METTL3: variants seen among roughly 807,000 people sequenced by gnomAD.
METTL3 encodes methyltransferase 3, N6-adenosine-methyltransferase complex catalytic subunit.
In METTL3, 42 loss-of-function variants were observed where a neutral mutation model predicts 64.3. The ratio of observed to expected loss-of-function variants is 0.65; its 90% CI spans 0.51 to 0.84. METTL3 has a LOEUF of 0.84. Among genes scored for constraint, METTL3 ranks in the 40% least tolerant of loss-of-function variants. The probability of loss-of-function intolerance (pLI) is 0.00; values close to 1 mark genes in which losing one functional copy is unlikely to be tolerated. For missense variants in METTL3, 435 were observed against 722.3 expected, an observed-to-expected ratio of 0.60 and a Z score of 4.56; for synonymous variants, 256 against 263.6, an observed-to-expected ratio of 0.97 and a Z score of 0.28.
In METTL3 at chr14:21,501,809, T is replaced by C. The variant is rs1891574099; in HGVS notation, c.818A>G (p.Gln273Arg). Residue 273 changes from glutamine to arginine, a missense_variant, in exon 4 of 11, where the codon CAA becomes CGA. Physicochemically the swap from Gln to Arg is conservative, Grantham distance 43. Transcript: ENST00000298717. ...KFRSRGRAQV[Q>R]EFCDYGTKEE... is the part of the protein sequence containing the mutation. The stretch of plus-strand genomic sequence containing the variant: ...CTTGGTTCCATAGTCACAGAATTCT[T>C]GCACTTGGGCCCGACCTCGAGAGCG... The C allele has an allele frequency of 6.2e-7, 1 of 1,614,158 alleles. No individual in the cohort carries two copies. Among genetic ancestry groups the C allele is most frequent in the Non-Finnish European group, 8.5e-7 (1 of 1,180,028 alleles).
intron 1 of METTL3, chr14:21,509,368 T>C (rs767637893): frequency 6.6e-6 from 1 of 151,946 alleles, no homozygotes; most frequent in Non-Finnish European, 1.5e-5. Context: ...ATTTTGCAGA[T>C]CACTTTGTTG....
At chr14:21,509,076 A>G (rs1891767700) in intron 1 of METTL3, among the ~76,000 whole-genome samples, 1 of 151,624 alleles carries the variant, frequency 6.6e-6, no homozygotes, top group African/African-American at 2.4e-5. Context: ...ATGGTGGCTC[A>G]CGCCTGTAAT....
At position 21,501,610 on chromosome 14, in the gene METTL3, T is replaced by TA. The variant is rs1291188194; in HGVS notation, c.899+117dup. 11 of 1,337,090 alleles carry TA rather than the reference T, an allele frequency of 8.2e-6. No homozygotes were observed. In the East Asian group the frequency reaches 2.2e-4, roughly 27 times the overall value. The allele number at this position is 1,337,090 out of a possible 1,614,324, so 82.8% of individuals were successfully genotyped here. On this transcript the variant is annotated intron_variant, in intron 4 of 10. Coordinates refer to ENST00000298717, the MANE Select transcript of METTL3 (RefSeq NM_019852.5). ...GTACACCTTCAGGGTCTGGAGGACT[T>TA]ACACAAACCATAAACTAAATAAGAT...
At chr14:21,504,556 A>G (rs1891650588) in intron 1 of METTL3, 1 of 152,316 alleles carries the variant, frequency 6.6e-6, no homozygotes, top group African/African-American at 2.4e-5. Context: ...TAGATGAAAT[A>G]TTAAACTCCT....
chr14:21,507,248 G>A (rs769247727), intron 1 of METTL3, among the ~76,000 whole-genome samples: 71 of 152,138 alleles, frequency 4.7e-4, no homozygotes, highest in Admixed American at 1.2e-3. Context: ...CCAATATTTT[G>A]CCCATATTAT....
intron 6 of METTL3, 146 bp from the exon 7 acceptor site, chr14:21,499,948 C>T (rs1230274617): frequency 1.4e-6 from 1 of 735,716 alleles, no homozygotes; most frequent in Non-Finnish European, 2.3e-6. Context: ...CATGGTGGAT[C>T]TAAGAACGAA....
intron 1 of METTL3, among the ~76,000 whole-genome samples, chr14:21,506,031 A>G (rs1278334129): frequency 1.3e-5 from 2 of 152,144 alleles, no homozygotes; most frequent in Non-Finnish European, 2.9e-5. Context: ...CTGGCCAAAT[A>G]TAGTTTGTTT....
At chr14:21,498,749 G>A (rs1329980277) in intron 10 of METTL3, 2 of 476,902 alleles carry the variant, frequency 4.2e-6, no homozygotes, top group Non-Finnish European at 7.5e-6. Context: ...CCAGGGGGCA[G>A]ATTCAATACA....
intron 1 of METTL3, among the ~76,000 whole-genome samples, chr14:21,506,441 C>T (rs1297904822): frequency 6.6e-6 from 1 of 152,082 alleles, no homozygotes; most frequent in Non-Finnish European, 1.5e-5. Flanking sequence ...GTAGTCCCAG[C>T]TACTCAGGAG....
At chr14:21,499,163 TTAAG>T in intron 9 of METTL3, 26 bp from the exon 10 acceptor site, 2 of 1,599,878 alleles carry the variant, frequency 1.3e-6, no homozygotes, top group Non-Finnish European at 1.7e-6. Flanking sequence ...TAGCTGCTTT[TTAAG>T]TTACACAAGA....
At chr14:21,498,732 G>A (rs1415639129) in intron 10 of METTL3, 2 of 458,004 alleles carry the variant, frequency 4.4e-6, no homozygotes, top group African/African-American at 2.0e-5. Context: ...AGATAACTTC[G>A]TAACCACCAG....
chr14:21,507,374 G>A (rs903898935), intron 1 of METTL3, among the ~76,000 whole-genome samples: 3 of 151,986 alleles, frequency 2.0e-5, no homozygotes, highest in Non-Finnish European at 2.9e-5. Context: ...AAAAAACAAG[G>A]TGTGGCCGGG....
At position 21,500,899 on chromosome 14, in the gene METTL3, G is replaced by A. The variant is rs778011067; in HGVS notation, c.1116+14C>T. On this transcript the variant is annotated intron_variant, in intron 5 of 10. Transcript: ENST00000298717. ...GTCCGTAAGTTGAGACGAGTTTTCT[G>A]AGCAGACAGGTACCTGAGGTGGGAA... The A allele has an allele frequency of 6.2e-7, 1 of 1,609,152 alleles. No individual in the cohort carries two copies. Among genetic ancestry groups the A allele is most frequent in the Non-Finnish European group, 8.5e-7 (1 of 1,176,558 alleles).
At chr14:21,502,888 T>C (rs1461180419) in intron 3 of METTL3, 1 of 339,164 alleles carries the variant, frequency 2.9e-6, no homozygotes, top group East Asian at 4.7e-5. Context: ...TGTTGACACT[T>C]TGGGACAGAC....
Position 21,506,275 on chromosome 14 carries a change from G to A in METTL3, c.101-2394C>T, listed in dbSNP as rs146341871. ...AAAGCATTAAAGCGGGGTCTCGGCC[G>A]GGCGTGGTTGGCTCACACCTGTAAT... On this transcript the variant is annotated intron_variant, in intron 1 of 10. Coordinates refer to ENST00000298717, the MANE Select transcript of METTL3 (RefSeq NM_019852.5). Among the ~76,000 whole-genome samples the A allele has an allele frequency of 9.9e-5, 15 of 152,066 alleles. No homozygotes were observed. In the East Asian group the frequency reaches 1.9e-3, roughly 20 times the overall value.
At position 21,504,271 on chromosome 14, in the gene METTL3, A is replaced by G. The variant is rs148841668; in HGVS notation, c.101-390T>C. On this transcript the variant is annotated intron_variant, in intron 1 of 10. Transcript: ENST00000298717. ...ATCCAATATTCTTTTTGAGGCATGT[A>G]GTGTGAATTTTAATGAATTCAGGCC... 1.5e-3 allele frequency: 295 copies of G among 197,918 alleles called. 2 individuals carry two copies. The Middle Eastern group carries it at 0.023, about 15-fold the overall frequency. 12.3% of individuals were successfully genotyped at this position (197,918 alleles called of 1,614,324 possible).
In METTL3 at chr14:21,501,069, A is replaced by G. The variant is rs1235292018; in HGVS notation, c.960T>C (p.Cys320=). The G allele has an allele frequency of 6.2e-7, 1 of 1,614,138 alleles. No individual in the cohort carries two copies. The highest frequency in any genetic ancestry group is 1.1e-5 in the South Asian group (1 of 91,078). ...CATACTTGCAGGTATCCATGTGGAA[A>G]CATGTATTAAGGAAAGAGCAGTCAC... The part of the protein sequence containing the change: ...SLGDCSFLNT[C]FHMDTCKYVH... Residue 320 remains cysteine, a synonymous_variant, in exon 5 of 11, where the codon TGT becomes TGC. Coordinates refer to ENST00000298717, the MANE Select transcript of METTL3 (RefSeq NM_019852.5).
At position 21,501,905 on chromosome 14, in the gene METTL3, T is replaced by G. The variant is rs1201150008; in HGVS notation, c.724-2A>C. 1 of 1,613,756 alleles carries G rather than the reference T, an allele frequency of 6.2e-7. No homozygotes were observed. The highest frequency in any genetic ancestry group is 8.5e-7 in the Non-Finnish European group (1 of 1,179,838). On this transcript the variant is annotated splice_acceptor_variant, in intron 3 of 10. Coordinates refer to ENST00000298717, the MANE Select transcript of METTL3 (RefSeq NM_019852.5). LOFTEE classifies it high-confidence loss of function. ...TAGCTCTAGGATCTCCTGACTGACC[T>G]GTGACAGAAGTAGCCTTGGACTTAA...
intron 1 of METTL3, 29 bp downstream of exon 1, chr14:21,511,095 G>T: frequency 6.2e-7 from 1 of 1,610,312 alleles, no homozygotes. Flanking sequence ...CCCCGGTTGA[G>T]CCTCGGCCCC....
Sources: gnomAD v4.1 joint callset for allele counts (sites outside exome capture counted in the v4.1 genomes callset) on GRCh38, gnomAD v4.1.1 for gene constraint, MANE v1.5 for transcripts, NCBI Gene and HGNC (gene_info 2026-07-23, HGNC 2026-07-21) for gene names.